Variants in MCC observed in about 807,000 individuals in gnomAD.
The protein encoded by MCC is colorectal mutant cancer protein.
Under a neutral mutation model 116.2 loss-of-function variants are expected in MCC, and 90 were observed. That is an observed-to-expected ratio of 0.77 (90% CI 0.65 to 0.92). MCC has a LOEUF of 0.92. Ranked by LOEUF, MCC falls within the 40% of genes least tolerant of loss-of-function variation. MCC has a pLI of 0.00. For synonymous variants in MCC, 578 were observed against 510.5 expected (o/e 1.13, Z -1.78); for missense variants, 1,516 against 1,312.2 (o/e 1.16, Z -2.40).
intron 3 of MCC, among the ~76,000 whole-genome samples, chr5:113,242,996 T>C (rs1316743127): frequency 6.6e-6 from 1 of 152,154 alleles, no homozygotes; most frequent in Admixed American, 6.5e-5. Context: ...GGAGGGAAAG[T>C]CTGTTTCTCT....
chr5:113,108,682 A>G (rs970848620), intron 6 of MCC, among the ~76,000 whole-genome samples: 3 of 151,728 alleles, frequency 2.0e-5, no homozygotes, highest in Non-Finnish European at 4.4e-5. Flanking sequence ...GGAAGTAACC[A>G]TAGATAACAC....
At position 113,043,899 on chromosome 5, in the gene MCC, T is replaced by C. The variant is rs1054893611; in HGVS notation, c.2656-269A>G. ...AGCAGCCGCTGATGCCAGGCACTGG[T>C]CTAAGCATGCCATATGCATTCAATC... On this transcript the variant is annotated intron_variant, in intron 16 of 18. Transcript: ENST00000408903. Among the ~76,000 whole-genome samples, 32 of 152,202 alleles carry C rather than the reference T, an allele frequency of 2.1e-4. 1 individual carries two copies. The highest frequency in any genetic ancestry group is 7.3e-5 in the Non-Finnish European group (5 of 68,034).
chr5:113,450,481 G>A (rs1041342942), intron 1 of MCC, among the ~76,000 whole-genome samples: 6 of 152,146 alleles, frequency 3.9e-5, no homozygotes, highest in Admixed American at 3.9e-4. Flanking sequence ...GCAGCATCAT[G>A]AACAGAAATG....
chr5:113,444,979 A>G (rs1771167037), intron 1 of MCC, among the ~76,000 whole-genome samples: 1 of 152,122 alleles, frequency 6.6e-6, no homozygotes. Context: ...AGAGCTAGTA[A>G]AGGGCAGAAC....
At chr5:113,047,292 G>C (rs1343212767) in intron 16 of MCC, among the ~76,000 whole-genome samples, 1 of 152,222 alleles carries the variant, frequency 6.6e-6, no homozygotes. Flanking sequence ...GTCTACCACA[G>C]AGCTGCCTCT....
At chr5:113,388,980 A>G (rs955169188) in intron 1 of MCC, among the ~76,000 whole-genome samples, 3 of 152,210 alleles carry the variant, frequency 2.0e-5, no homozygotes, top group African/African-American at 7.2e-5. Context: ...CAGCACTAAC[A>G]TGAGCAGCTT....
At chr5:113,267,765 A>G (rs1053338872) in intron 3 of MCC, among the ~76,000 whole-genome samples, 8 of 152,208 alleles carry the variant, frequency 5.3e-5, no homozygotes, top group Admixed American at 5.2e-4. Context: ...GGAGTAATGA[A>G]AATGTTTTAA....
chr5:113,071,828 A>G (rs954684900), intron 11 of MCC, among the ~76,000 whole-genome samples: 8 of 152,334 alleles, frequency 5.3e-5, no homozygotes, highest in African/African-American at 1.7e-4. Context: ...AACCAAAGGA[A>G]GAATCAGTGA....
intron 3 of MCC, among the ~76,000 whole-genome samples, chr5:113,327,545 CAAAAAAA>C (rs1189402090): frequency 7.0e-5 from 4 of 57,190 alleles, no homozygotes; most frequent in South Asian, 5.3e-4. Context: ...GACTCAGTCT[CAAAAAAA>C]AAAAAAAAAA....
chr5:113,430,442 A>G (rs1478250743), intron 1 of MCC, among the ~76,000 whole-genome samples: 1 of 152,214 alleles, frequency 6.6e-6, no homozygotes, highest in Admixed American at 6.5e-5. Context: ...ATGGGCCTCT[A>G]TTCTCTCTGC....
chr5:113,125,864 T>G (rs1416279934), intron 5 of MCC, among the ~76,000 whole-genome samples: 3 of 152,134 alleles, frequency 2.0e-5, no homozygotes. Flanking sequence ...AGCAATAACT[T>G]ATTTCTTTGG....
chr5:113,283,257 T>G (rs1766119014), intron 3 of MCC, among the ~76,000 whole-genome samples: 1 of 152,130 alleles, frequency 6.6e-6, no homozygotes, highest in Admixed American at 6.5e-5. Flanking sequence ...AAATAAAAAA[T>G]GGACAAAGGA....
At chr5:113,353,561 T>A (rs1561535167) in intron 2 of MCC, among the ~76,000 whole-genome samples, 1 of 152,336 alleles carries the variant, frequency 6.6e-6, no homozygotes, top group South Asian at 2.1e-4. Context: ...TAAGCAAACA[T>A]AAGTGGTCCC....
chr5:113,337,063 A>T (rs1053750952), intron 3 of MCC, among the ~76,000 whole-genome samples: 1 of 152,130 alleles, frequency 6.6e-6, no homozygotes, highest in Non-Finnish European at 1.5e-5. Flanking sequence ...TTGTCAATAG[A>T]GGGTGCTGGA....
intron 1 of MCC, among the ~76,000 whole-genome samples, chr5:113,431,744 C>T (rs1016380002): frequency 7.3e-5 from 8 of 110,148 alleles, no homozygotes; most frequent in African/African-American, 2.5e-4. Context: ...GCCTGTAATC[C>T]CAGCAGTTTG....
intron 3 of MCC, among the ~76,000 whole-genome samples, chr5:113,261,089 C>G (rs1489329211): frequency 7.2e-5 from 11 of 152,126 alleles, no homozygotes. Flanking sequence ...TCCTGAACAA[C>G]CCATCCTAAG....
chr5:113,358,732 G>A (rs1768473214), intron 2 of MCC, among the ~76,000 whole-genome samples: 1 of 152,140 alleles, frequency 6.6e-6, no homozygotes, highest in Non-Finnish European at 1.5e-5. Flanking sequence ...TGGCTGCCAG[G>A]TGTCAGCTGT....
chr5:113,222,954 G>C (rs1763604650), intron 3 of MCC, among the ~76,000 whole-genome samples: 1 of 152,200 alleles, frequency 6.6e-6, no homozygotes, highest in Non-Finnish European at 1.5e-5. Context: ...AGAAGGCAAG[G>C]ACTATTCCAC....
chr5:113,132,427 C>CATATATATATACACACATACATATATAT (rs1758501712), intron 5 of MCC, among the ~76,000 whole-genome samples: 1 of 107,326 alleles, frequency 9.3e-6, no homozygotes, highest in East Asian at 2.4e-4. Flanking sequence ...TACACACATA[C>CATATATATATACACACATACATATATAT]ATATATATAT....
Sources: gnomAD v4.1 joint callset for allele counts (sites outside exome capture counted in the v4.1 genomes callset) on GRCh38, gnomAD v4.1.1 for gene constraint, MANE v1.5 for transcripts, NCBI Gene and HGNC (gene_info 2026-07-23, HGNC 2026-07-21) for gene names.